The following IL1R1 variants were observed in gnomAD, a reference collection of about 807,000 sequenced individuals.
IL1R1 encodes the protein interleukin-1 receptor type 1.
In IL1R1, 22 loss-of-function variants were observed where a neutral mutation model predicts 50.2. The ratio of observed to expected loss-of-function variants is 0.44; its 90% CI spans 0.31 to 0.63. The LOEUF (loss-of-function observed/expected upper bound fraction) is 0.63. Among genes scored for constraint, IL1R1 ranks in the 20% least tolerant of loss-of-function variants. The probability of loss-of-function intolerance (pLI) is 0.07; values close to 1 mark genes in which losing one functional copy is unlikely to be tolerated. For synonymous variants in IL1R1, 251 were observed against 236.7 expected (o/e 1.06, Z -0.55); for missense variants, 509 against 676.2 (o/e 0.75, Z 2.74).
chr2:102,071,290 T>C (rs1678707200), intron 1 of IL1R1, among the ~76,000 whole-genome samples: 1 of 152,212 alleles, frequency 6.6e-6, no homozygotes, highest in Non-Finnish European at 1.5e-5. Flanking sequence ...TATCTGTAGC[T>C]CAATTTGCCT....
chr2:102,099,552 C>CCTAG (rs1680050318), intron 1 of IL1R1, among the ~76,000 whole-genome samples: 1 of 152,126 alleles, frequency 6.6e-6, no homozygotes, highest in Non-Finnish European at 1.5e-5. Context: ...AGTCTAAGGG[C>CCTAG]CTGTGGGAGA....
intron 8 of IL1R1, chr2:102,172,151 C>G (rs1479172264): frequency 1.3e-5 from 6 of 477,556 alleles, no homozygotes; most frequent in Non-Finnish European, 1.3e-5. Flanking sequence ...AAGCCTTTCT[C>G]TTACGTTATA....
At chr2:102,096,569 T>C (rs900808184) in intron 1 of IL1R1, among the ~76,000 whole-genome samples, 9 of 152,066 alleles carry the variant, frequency 5.9e-5, no homozygotes, top group African/African-American at 2.2e-4. Flanking sequence ...TTTTTTTTTC[T>C]CTTCCTAACT....
intron 1 of IL1R1, among the ~76,000 whole-genome samples, chr2:102,080,845 T>A (rs1679174688): frequency 1.3e-5 from 2 of 152,204 alleles, no homozygotes; most frequent in Admixed American, 1.3e-4. Flanking sequence ...ATATGCAGTA[T>A]ATCCAAACAA....
intron 1 of IL1R1, among the ~76,000 whole-genome samples, chr2:102,078,427 A>C (rs1679067843): frequency 6.6e-6 from 1 of 152,084 alleles, no homozygotes; most frequent in African/African-American, 2.4e-5. Context: ...AAAAAATTAT[A>C]TGCCAACTAA....
chr2:102,167,442 G>GTTTT (rs3047461), intron 6 of IL1R1, among the ~76,000 whole-genome samples: 4 of 68,932 alleles, frequency 5.8e-5, no homozygotes, highest in Non-Finnish European at 1.0e-4. Context: ...TAGGTTAAGT[G>GTTTT]TTTTTTTTTT....
chr2:102,089,620 G>T (rs1421201652), intron 1 of IL1R1, among the ~76,000 whole-genome samples: 1 of 152,122 alleles, frequency 6.6e-6, no homozygotes, highest in Admixed American at 6.5e-5. Context: ...AACCCCCACA[G>T]TATCTGTGAG....
At chr2:102,079,815 A>T (rs1415295779) in intron 1 of IL1R1, among the ~76,000 whole-genome samples, 1 of 152,176 alleles carries the variant, frequency 6.6e-6, no homozygotes, top group African/African-American at 2.4e-5. Context: ...AAAGTCAATG[A>T]CTTACACTCC....
chr2:102,115,416 T>C (rs1046677751), intron 1 of IL1R1, among the ~76,000 whole-genome samples: 1 of 152,222 alleles, frequency 6.6e-6, no homozygotes, highest in Non-Finnish European at 1.5e-5. Flanking sequence ...ACTGTGGATA[T>C]AAGTTGTGTA....
chr2:102,088,765 A>G (rs556241800), intron 1 of IL1R1, among the ~76,000 whole-genome samples: 2 of 152,354 alleles, frequency 1.3e-5, no homozygotes, highest in African/African-American at 4.8e-5. Context: ...CACCTTCATC[A>G]ATGATCTTAC....
chr2:102,148,782 A>T (rs1287082035), intron 1 of IL1R1, among the ~76,000 whole-genome samples: 1 of 152,020 alleles, frequency 6.6e-6, no homozygotes, highest in Non-Finnish European at 1.5e-5. Flanking sequence ...AGTCCCTTTT[A>T]CCTTCTTTTT....
chr2:102,137,327 T>A (rs1283147582), intron 1 of IL1R1, among the ~76,000 whole-genome samples: 2 of 152,234 alleles, frequency 1.3e-5, no homozygotes, highest in East Asian at 3.8e-4. Context: ...TGTATTATTA[T>A]CTCTCATGAT....
chr2:102,095,222 G>GGAAAAA (rs1326129441), intron 1 of IL1R1, among the ~76,000 whole-genome samples: 36 of 152,310 alleles, frequency 2.4e-4, no homozygotes, highest in African/African-American at 8.2e-4. Flanking sequence ...CTGTGTGTAT[G>GGAAAAA]TGATAGTGAT....
intron 6 of IL1R1, among the ~76,000 whole-genome samples, chr2:102,166,662 C>G (rs534076137): frequency 6.6e-6 from 1 of 152,138 alleles, no homozygotes; most frequent in African/African-American, 2.4e-5. Context: ...CAGCAAGCAT[C>G]GGTGTGGACA....
intron 1 of IL1R1, among the ~76,000 whole-genome samples, chr2:102,114,881 C>T (rs75677131): frequency 2.0e-5 from 3 of 152,154 alleles, no homozygotes; most frequent in Non-Finnish European, 4.4e-5. Flanking sequence ...TCTAGGGAAA[C>T]CCAGTGTGTG....
chr2:102,154,904 C>T (rs1684030020), intron 2 of IL1R1, among the ~76,000 whole-genome samples: 1 of 152,190 alleles, frequency 6.6e-6, no homozygotes, highest in Admixed American at 6.5e-5. Flanking sequence ...TTGTTGGACC[C>T]TCCCCTCCAC....
intron 2 of IL1R1, among the ~76,000 whole-genome samples, chr2:102,155,176 A>G (rs1451536430): frequency 1.3e-5 from 2 of 152,274 alleles, no homozygotes; most frequent in African/African-American, 4.8e-5. Flanking sequence ...GTTATTTGTC[A>G]TCAGAGCATG....
rs1685153764 is a variant in IL1R1 at position 102,166,046 on chromosome 2, C to T, written c.487-67C>T. 6.5e-6 allele frequency: 9 copies of T among 1,386,328 alleles called. No homozygotes were observed. In the Middle Eastern group the frequency reaches 5.8e-4, roughly 89 times the overall value. 85.9% of individuals were successfully genotyped at this position (1,386,328 alleles called of 1,614,324 possible). On this transcript the variant is annotated intron_variant, in intron 5 of 11. Coordinates refer to ENST00000410023, the MANE Select transcript of IL1R1 (RefSeq NM_000877.4). ...TGCTAAGGTGAAAAAAATGGAGCTC[C>T]TTTGGCGGTAGATTGGGGAAAGTTA...
rs1050301709 is a variant in IL1R1, at chr2:102,109,292, C to T, written c.-84+4420C>T. ...GGTATATGACTACCATTTATTGAGT[C>T]ACCTACTAAAGGAACATGCACTCTT... On this transcript the variant is annotated intron_variant, in intron 1 of 10. Coordinates refer to the IL1R1 transcript ENST00000409329. Among the ~76,000 whole-genome samples, 8 of 152,218 alleles carry T rather than the reference C, an allele frequency of 5.3e-5. 1 individual carries two copies. In the East Asian group the frequency reaches 1.5e-3, roughly 29 times the overall value.
Sources: allele counts gnomAD v4.1 joint callset (sites outside exome capture counted in the v4.1 genomes callset), GRCh38; gene constraint gnomAD v4.1.1; transcripts MANE v1.5; gene names NCBI Gene and HGNC (gene_info 2026-07-23, HGNC 2026-07-21).